SMG9: variants seen among roughly 807,000 people sequenced by gnomAD.
SMG9 encodes the protein nonsense-mediated mRNA decay factor SMG9.
In SMG9, 55 loss-of-function variants were observed where a neutral mutation model predicts 64.0. The ratio of observed to expected loss-of-function variants is 0.86; its 90% CI spans 0.69 to 1.08. The LOEUF (loss-of-function observed/expected upper bound fraction) is 1.08, where lower values mean the gene tolerates loss of function less well. SMG9 is among the 50% of genes least tolerant of loss of function. The probability of loss-of-function intolerance (pLI) is 0.00; values close to 1 mark genes in which losing one functional copy is unlikely to be tolerated. For missense variants in SMG9, 554 were observed against 681.3 expected, an observed-to-expected ratio of 0.81 and a Z score of 2.08; for synonymous variants, 244 against 254.8, an observed-to-expected ratio of 0.96 and a Z score of 0.41.
intron 9 of SMG9, among the ~76,000 whole-genome samples, chr19:43,737,268 G>A (rs971901934): frequency 4.0e-5 from 5 of 123,834 alleles, no homozygotes; most frequent in East Asian, 2.6e-4. Flanking sequence ...GCGAGACTCC[G>A]TCTCAATAAA....
At chr19:43,752,751 A>G (rs924533335) in intron 1 of SMG9, among the ~76,000 whole-genome samples, 1 of 151,920 alleles carries the variant, frequency 6.6e-6, no homozygotes, top group African/African-American at 2.4e-5. Context: ...TTTAAAAAAG[A>G]AAAAAGTAGC....
rs1968401643 is a variant in SMG9, at chr19:43,729,427, A to C, written c.*2169T>G. On this transcript the variant is annotated 3_prime_UTR_variant, in exon 14 of 14. Coordinates refer to ENST00000270066, the MANE Select transcript of SMG9 (RefSeq NM_019108.4). ...ACAGGTGAATCCAATCAACAATCTC[A>C]GCCCTGAGCTGGGCCAGCAGGAGGT... 1 of 152,166 alleles carries C rather than the reference A, an allele frequency of 6.6e-6. No homozygotes were observed. 9.4% of individuals were successfully genotyped at this position (152,166 alleles called of 1,614,324 possible). A position where few individuals can be genotyped will look rare whatever the true frequency, so the allele number is the denominator to read the frequency against.
intron 2 of SMG9, chr19:43,748,815 C>G (rs369375403): frequency 2.4e-4 from 127 of 520,014 alleles, no homozygotes; most frequent in Non-Finnish European, 4.0e-4. Flanking sequence ...CTTACTTAAA[C>G]CCTGCTCACT....
At chr19:43,752,996 C>T (rs553860961) in intron 1 of SMG9, among the ~76,000 whole-genome samples, 38 of 151,930 alleles carry the variant, frequency 2.5e-4, no homozygotes, top group African/African-American at 8.9e-4. Flanking sequence ...CATGAATCCT[C>T]CCCTGCCCCA....
In SMG9 at chr19:43,731,448, AC is replaced by A; in HGVS notation, c.*147del. ...GAGGGTGGGGGGCCTGGCCCTGGAC[AC>A]CTCATGTCTCTGGGCCGGGAAGCCA... On this transcript the variant is annotated 3_prime_UTR_variant, in exon 14 of 14. Coordinates refer to ENST00000270066, the MANE Select transcript of SMG9 (RefSeq NM_019108.4). The A allele has an allele frequency of 3.4e-6, 5 of 1,460,908 alleles. No homozygotes were observed. The highest frequency in any genetic ancestry group is 3.6e-6 in the Non-Finnish European group (4 of 1,103,492). 90.5% of individuals were successfully genotyped at this position (1,460,908 alleles called of 1,614,324 possible). A position where few individuals can be genotyped will look rare whatever the true frequency, so the allele number is the denominator to read the frequency against.
At chr19:43,751,456 G>C (rs1018598509) in intron 1 of SMG9, among the ~76,000 whole-genome samples, 6 of 152,234 alleles carry the variant, frequency 3.9e-5, no homozygotes, top group African/African-American at 1.4e-4. Context: ...CCTTTCAACA[G>C]AGCTCTGGGC....
At chr19:43,738,080 G>A (rs1319314642) in intron 8 of SMG9, 42 bp downstream of exon 8, 2 of 1,563,082 alleles carry the variant, frequency 1.3e-6, no homozygotes, top group South Asian at 1.1e-5. Context: ...ATGGGGGTGG[G>A]GATGTAAAAC....
Position 43,744,779 on chromosome 19 carries a change from C to A in SMG9, c.694G>T (p.Asp232Tyr). ...TATCTGATAGCCCCTCACCTCTGGT[C>A]CTCCTCTGGAGTGTTGGCTGACAAC... ...SLLSANTPEEDQRTYVFRAQS... is the reference protein window; with the variant it reads ...SLLSANTPEEYQRTYVFRAQS... Residue 232 changes from aspartate (D) to tyrosine (Y), a missense_variant, in exon 6 of 14, where the codon GAC becomes TAC. Transcript: ENST00000270066. 1.2e-6 allele frequency: 2 copies of A among 1,613,100 alleles called. No individual in the cohort carries two copies. Among genetic ancestry groups the A allele is most frequent in the South Asian group, 1.1e-5 (1 of 90,968 alleles).
chr19:43,739,803 G>T (rs1468118155), intron 7 of SMG9: 1 of 364,690 alleles, frequency 2.7e-6, no homozygotes, highest in Non-Finnish European at 5.1e-6. Context: ...GTTTAAAACT[G>T]AAAGTCACCC....
chr19:43,737,033 G>A lies in SMG9; in HGVS notation c.995+564C>T, dbSNP rs1215374565. On this transcript the variant is annotated intron_variant, in intron 9 of 13. Coordinates refer to ENST00000270066, the MANE Select transcript of SMG9 (RefSeq NM_019108.4). The stretch of plus-strand genomic sequence containing the variant: ...TCACGCCTATAATTCCGGCACTTTA[G>A]GTGGCCGAGGCAGGTGGATCACCTG... Among the ~76,000 whole-genome samples, 4 of 152,328 alleles carry A rather than the reference G, an allele frequency of 2.6e-5. No homozygotes were observed. The East Asian group carries it at 7.7e-4, about 29-fold the overall frequency.
chr19:43,743,433 C>T (rs74829662), intron 6 of SMG9, among the ~76,000 whole-genome samples: 75 of 152,286 alleles, frequency 4.9e-4, no homozygotes, highest in African/African-American at 1.7e-3. Context: ...TCCATCAGCC[C>T]ACTCTGAGAT....
chr19:43,753,236 G>A (rs1969246112), intron 1 of SMG9, among the ~76,000 whole-genome samples: 1 of 152,098 alleles, frequency 6.6e-6, no homozygotes, highest in Non-Finnish European at 1.5e-5. Flanking sequence ...ATTCCATACC[G>A]AAATGACTGC....
chr19:43,730,931 A>G lies in SMG9; in HGVS notation c.*665T>C, dbSNP rs1159073441. 6.0e-6 allele frequency: 1 copy of G among 165,958 alleles called. No individual in the cohort carries two copies. Among genetic ancestry groups the G allele is most frequent in the Non-Finnish European group, 1.2e-5 (1 of 80,632 alleles). The allele number at this position is 165,958 out of a possible 1,614,324, so 10.3% of individuals were successfully genotyped here. A position where few individuals can be genotyped will look rare whatever the true frequency, so the allele number is the denominator to read the frequency against. ...GGTAACTGTCTTTAAGTGAGAGCAG[A>G]AGACACGAGGGTAGTTGCTGTACTC... On this transcript the variant is annotated 3_prime_UTR_variant, in exon 14 of 14. Coordinates refer to ENST00000270066, the MANE Select transcript of SMG9 (RefSeq NM_019108.4).
Position 43,729,365 on chromosome 19 carries a change from G to C in SMG9, c.*2231C>G, listed in dbSNP as rs565081768. On this transcript the variant is annotated 3_prime_UTR_variant, in exon 14 of 14. Coordinates refer to ENST00000270066, the MANE Select transcript of SMG9 (RefSeq NM_019108.4). ...CAGCCAGGGACACCAAGAGTGTGCT[G>C]ATTCAGACCTTCCTTGGCAACACTG... The C allele has an allele frequency of 2.0e-5, 3 of 152,328 alleles. No homozygotes were observed. The highest frequency in any genetic ancestry group is 1.3e-4 in the Admixed American group (2 of 15,296). The allele number at this position is 152,328 out of a possible 1,614,324, so 9.4% of individuals were successfully genotyped here. A position where few individuals can be genotyped will look rare whatever the true frequency, so the allele number is the denominator to read the frequency against.
chr19:43,749,901 T>C (rs1288748520), intron 2 of SMG9, among the ~76,000 whole-genome samples: 5 of 152,208 alleles, frequency 3.3e-5, no homozygotes, highest in Non-Finnish European at 5.9e-5. Context: ...GAAAAGTCCC[T>C]TCACCTCTGG....
chr19:43,731,007 T>C lies in SMG9; in HGVS notation c.*589A>G. On this transcript the variant is annotated 3_prime_UTR_variant, in exon 14 of 14. Coordinates refer to ENST00000270066, the MANE Select transcript of SMG9 (RefSeq NM_019108.4). ...CAAAACATACACAGGGGAGGCTTGATGCCACCCCAGGAAACAGAATAACCC... is the reference window on the plus strand; with the variant it reads ...CAAAACATACACAGGGGAGGCTTGACGCCACCCCAGGAAACAGAATAACCC... 1.8e-6 allele frequency: 1 copy of C among 549,550 alleles called. No individual in the cohort carries two copies. The highest frequency in any genetic ancestry group is 2.3e-6 in the Non-Finnish European group (1 of 431,502). 34.0% of individuals were successfully genotyped at this position (549,550 alleles called of 1,614,324 possible).
intron 6 of SMG9, among the ~76,000 whole-genome samples, chr19:43,742,621 C>T (rs1006630951): frequency 3.9e-5 from 6 of 152,162 alleles, no homozygotes; most frequent in African/African-American, 1.4e-4. Context: ...CACTGTATCC[C>T]CAGCACCTAG....
chr19:43,742,511 G>T (rs896827189), intron 6 of SMG9, among the ~76,000 whole-genome samples: 10 of 152,180 alleles, frequency 6.6e-5, no homozygotes, highest in African/African-American at 2.4e-4. Context: ...TTTCCATTGT[G>T]TTATATTCTA....
intron 1 of SMG9, among the ~76,000 whole-genome samples, chr19:43,751,911 A>T (rs1969201056): frequency 6.6e-6 from 1 of 152,254 alleles, no homozygotes; most frequent in African/African-American, 2.4e-5. Context: ...AACTATTAAA[A>T]TGCTCCAACA....
Sources: allele counts gnomAD v4.1 joint callset (sites outside exome capture counted in the v4.1 genomes callset), GRCh38; gene constraint gnomAD v4.1.1; transcripts MANE v1.5; gene names NCBI Gene and HGNC (gene_info 2026-07-23, HGNC 2026-07-21).